The following GTF2E2 variants were observed in gnomAD, a reference collection of about 807,000 sequenced individuals.
GTF2E2 encodes transcription initiation factor IIE subunit beta.
GTF2E2 carries 21 observed loss-of-function variants against 40.5 expected under a neutral mutation model. The observed-to-expected ratio is 0.52, with a 90% CI of 0.37 to 0.75. GTF2E2 has a LOEUF of 0.75. Among genes scored for constraint, GTF2E2 ranks in the 30% least tolerant of loss-of-function variants. GTF2E2 has a pLI of 0.00. For synonymous variants in GTF2E2, 117 were observed against 121.6 expected (o/e 0.96, Z 0.25); for missense variants, 298 against 338.4 (o/e 0.88, Z 0.94).
intron 3 of GTF2E2, 145 bp downstream of exon 3, chr8:30,634,887 T>C (rs928184062): frequency 3.2e-5 from 19 of 589,502 alleles, no homozygotes; most frequent in South Asian, 6.4e-5. Flanking sequence ...TGAGGTATAA[T>C]TGGCATACAA....
chr8:30,580,622 A>G (rs1355096344), intron 6 of GTF2E2, among the ~76,000 whole-genome samples: 1 of 152,152 alleles, frequency 6.6e-6, no homozygotes, highest in Non-Finnish European at 1.5e-5. Context: ...CTGTTTCTTG[A>G]GGCCAGCAAA....
At chr8:30,654,228 G>A (rs1348803848) in intron 1 of GTF2E2, among the ~76,000 whole-genome samples, 7 of 152,056 alleles carry the variant, frequency 4.6e-5, no homozygotes, top group African/African-American at 1.7e-4. Flanking sequence ...AATTGAGATG[G>A]ACTTTCAAGT....
At chr8:30,654,413 A>T (rs1802390625) in intron 1 of GTF2E2, among the ~76,000 whole-genome samples, 1 of 152,186 alleles carries the variant, frequency 6.6e-6, no homozygotes, top group Non-Finnish European at 1.5e-5. Flanking sequence ...CTATTAAAAA[A>T]AAATTAAGAG....
chr8:30,639,404 C>T (rs1303521315), intron 2 of GTF2E2, among the ~76,000 whole-genome samples: 1 of 152,106 alleles, frequency 6.6e-6, no homozygotes. Context: ...ATCAATTTAT[C>T]ACACCATTTA....
At chr8:30,630,478 T>C (rs1356558302) in intron 3 of GTF2E2, among the ~76,000 whole-genome samples, 2 of 152,190 alleles carry the variant, frequency 1.3e-5, no homozygotes, top group African/African-American at 4.8e-5. Flanking sequence ...ATAAGGAGCA[T>C]TTCTGTTGCC....
In GTF2E2 at chr8:30,578,858, G is replaced by C; in HGVS notation, c.*63C>G. The C allele has an allele frequency of 2.4e-6, 2 of 848,390 alleles. No individual in the cohort carries two copies. Among genetic ancestry groups the C allele is most frequent in the Non-Finnish European group, 4.1e-6 (2 of 483,072 alleles). The allele number at this position is 848,390 out of a possible 1,614,324, so 52.6% of individuals were successfully genotyped here. On this transcript the variant is annotated 3_prime_UTR_variant, in exon 8 of 8. Coordinates refer to ENST00000355904, the MANE Select transcript of GTF2E2 (RefSeq NM_002095.6). ...GATAGGAAGACAGTCTTCAGACCCC[G>C]AGCATCAGCAAGAACACTCTTGATT...
At chr8:30,652,086 A>G (rs879717310) in intron 2 of GTF2E2, among the ~76,000 whole-genome samples, 9 of 152,204 alleles carry the variant, frequency 5.9e-5, no homozygotes, top group Non-Finnish European at 8.8e-5. Flanking sequence ...TATACTACAA[A>G]CCTAAATGCA....
At chr8:30,633,860 T>C (rs1378077215) in intron 3 of GTF2E2, among the ~76,000 whole-genome samples, 1 of 152,096 alleles carries the variant, frequency 6.6e-6, no homozygotes, top group African/African-American at 2.4e-5. Flanking sequence ...TAATGGGGAG[T>C]TATATACTAA....
intron 6 of GTF2E2, among the ~76,000 whole-genome samples, chr8:30,581,166 GACTT>G (rs1828505664): frequency 2.6e-5 from 4 of 152,128 alleles, no homozygotes; most frequent in Admixed American, 2.6e-4. Flanking sequence ...AAAATCCTAA[GACTT>G]ACACGCTCAG....
At chr8:30,640,743 C>T (rs933278241) in intron 2 of GTF2E2, among the ~76,000 whole-genome samples, 1 of 152,150 alleles carries the variant, frequency 6.6e-6, no homozygotes, top group African/African-American at 2.4e-5. Flanking sequence ...CTCACTCTAT[C>T]GCCCAGGCTA....
chr8:30,643,802 C>T (rs1222999610), intron 2 of GTF2E2: 3 of 150,434 alleles, frequency 2.0e-5, no homozygotes, highest in Non-Finnish European at 4.4e-5. Context: ...ATCTGCAAGG[C>T]TAGTAAGAAA....
At chr8:30,600,992 C>T (rs1340083868) in intron 6 of GTF2E2, among the ~76,000 whole-genome samples, 2 of 152,190 alleles carry the variant, frequency 1.3e-5, no homozygotes, top group African/African-American at 4.8e-5. Flanking sequence ...AATGTTAAAA[C>T]GTGTCCGTTT....
At chr8:30,590,884 T>G (rs1222395465) in intron 6 of GTF2E2, among the ~76,000 whole-genome samples, 1 of 151,838 alleles carries the variant, frequency 6.6e-6, no homozygotes, top group Non-Finnish European at 1.5e-5. Context: ...AGAGACAGGG[T>G]TTTGCCATGT....
At chr8:30,644,550 C>T (rs1003795609) in intron 2 of GTF2E2, 6 of 152,094 alleles carry the variant, frequency 3.9e-5, no homozygotes, top group Non-Finnish European at 5.9e-5. Context: ...AAACAGGAGA[C>T]AGAAATACAC....
At chr8:30,610,277 C>T (rs1017218330) in intron 5 of GTF2E2, among the ~76,000 whole-genome samples, 3 of 151,856 alleles carry the variant, frequency 2.0e-5, no homozygotes, top group Non-Finnish European at 4.4e-5. Context: ...AAAACCACAT[C>T]TCTACCAAAA....
At chr8:30,606,500 C>G (rs1829318910) in intron 6 of GTF2E2, among the ~76,000 whole-genome samples, 1 of 152,156 alleles carries the variant, frequency 6.6e-6, no homozygotes, top group South Asian at 2.1e-4. Context: ...TTTTTCATCA[C>G]TAAACCCTTG....
intron 6 of GTF2E2, among the ~76,000 whole-genome samples, chr8:30,603,870 C>G (rs1284397793): frequency 1.3e-5 from 2 of 151,926 alleles, no homozygotes; most frequent in African/African-American, 4.8e-5. Flanking sequence ...GAGAAAATAA[C>G]AGTGAGAAAA....
At chr8:30,656,698 C>T (rs1463210122) in intron 1 of GTF2E2, among the ~76,000 whole-genome samples, 3 of 150,020 alleles carry the variant, frequency 2.0e-5, no homozygotes, top group Non-Finnish European at 3.0e-5. Flanking sequence ...ATCCCAACTA[C>T]TTGGGAGGCT....
intron 6 of GTF2E2, among the ~76,000 whole-genome samples, chr8:30,602,832 A>C (rs371533116): frequency 1.3e-5 from 2 of 150,994 alleles, no homozygotes; most frequent in African/African-American, 4.9e-5. Flanking sequence ...AGTCCTTCCC[A>C]CAATCTTTGT....
Sources: allele counts gnomAD v4.1 joint callset (sites outside exome capture counted in the v4.1 genomes callset), GRCh38; gene constraint gnomAD v4.1.1; transcripts MANE v1.5; gene names NCBI Gene and HGNC (gene_info 2026-07-23, HGNC 2026-07-21).